Variants in DLG2 observed in about 807,000 individuals in gnomAD.
The protein encoded by DLG2 is disks large homolog 2.
In DLG2, 45 loss-of-function variants were observed where a neutral mutation model predicts 132.5. The observed-to-expected ratio is 0.34, with a 90% confidence interval of 0.27 to 0.44. The LOEUF (loss-of-function observed/expected upper bound fraction) is 0.44. DLG2 is among the 20% of genes least tolerant of loss of function. The probability of loss-of-function intolerance (pLI) is 1.00; values close to 1 mark genes in which losing one functional copy is unlikely to be tolerated. For missense variants in DLG2, 1,045 were observed against 1,196.9 expected (o/e 0.87, Z 1.87); for synonymous variants, 424 against 419.6 (o/e 1.01, Z -0.13).
At chr11:84,575,215 T>C (rs1042219997) in intron 6 of DLG2, among the ~76,000 whole-genome samples, 2 of 152,276 alleles carry the variant, frequency 1.3e-5, no homozygotes, top group East Asian at 3.9e-4. Flanking sequence ...AAGCAGTCCT[T>C]ACAAACCTCT....
chr11:85,126,877 A>G (rs1566903087), intron 5 of DLG2, among the ~76,000 whole-genome samples: 2 of 152,188 alleles, frequency 1.3e-5, no homozygotes, highest in African/African-American at 2.4e-5. Context: ...GTACCCTTTC[A>G]TGGATGAGAA....
intron 24 of DLG2, among the ~76,000 whole-genome samples, chr11:83,470,554 TTC>T (rs1355257969): frequency 1.3e-5 from 2 of 152,202 alleles, no homozygotes; most frequent in Non-Finnish European, 2.9e-5. Flanking sequence ...TCTGTTTTCT[TTC>T]TCTCAAAAGT....
At chr11:84,564,291 T>G (rs190506348) in intron 6 of DLG2, among the ~76,000 whole-genome samples, 1 of 152,088 alleles carries the variant, frequency 6.6e-6, no homozygotes, top group Admixed American at 6.5e-5. Context: ...CTGAGAAGAG[T>G]GAGCAAGAAG....
rs113991676 is a variant in DLG2 at position 83,473,923 on chromosome 11, C to T, written c.2294-1146G>A. On this transcript the variant is annotated intron_variant, in intron 22 of 27. Coordinates refer to ENST00000376104, the MANE Select transcript of DLG2 (RefSeq NM_001142699.3). ...ATTGAGCAATATGTGGGTATAGCTG[C>T]GAAGTTGGATGACTTCCTTGGAGGC... 8.2e-3 allele frequency among the ~76,000 whole-genome samples: 1,250 copies of T among 152,124 alleles called. 8 individuals are homozygous for T. The highest frequency in any genetic ancestry group is 0.014 in the Middle Eastern group (4 of 294).
chr11:85,280,637 C>T (rs2078165436), intron 4 of DLG2, among the ~76,000 whole-genome samples: 1 of 151,958 alleles, frequency 6.6e-6, no homozygotes, highest in Non-Finnish European at 1.5e-5. Context: ...GAGGAGGATG[C>T]TGTGTCCATT....
chr11:85,214,599 T>C (rs938727), intron 4 of DLG2, among the ~76,000 whole-genome samples: 123,808 of 152,064 alleles, frequency 0.81, 51,257 homozygotes, highest in Non-Finnish European at 0.9. Context: ...TACATCTCTT[T>C]TTGCAGTATA....
chr11:83,691,984 T>A (rs1255777792), intron 18 of DLG2: 1 of 152,160 alleles, frequency 6.6e-6, no homozygotes, highest in Non-Finnish European at 1.5e-5. Context: ...CATTGACTCC[T>A]CCCCGCAAAC....
chr11:83,889,299 C>T (rs769867497), intron 15 of DLG2, among the ~76,000 whole-genome samples: 1 of 151,842 alleles, frequency 6.6e-6, no homozygotes, highest in Non-Finnish European at 1.5e-5. Context: ...GGGTGAAGGA[C>T]ATGAACAGAC....
At chr11:84,219,212 C>T (rs2096880841) in intron 8 of DLG2, among the ~76,000 whole-genome samples, 1 of 152,148 alleles carries the variant, frequency 6.6e-6, no homozygotes, top group Non-Finnish European at 1.5e-5. Context: ...ACAATAATTT[C>T]CTAAATGAAC....
chr11:84,528,229 A>G (rs1002158394), intron 7 of DLG2, among the ~76,000 whole-genome samples: 32 of 152,180 alleles, frequency 2.1e-4, no homozygotes, highest in African/African-American at 7.2e-4. Context: ...GAAAGATTCT[A>G]GGTAGCATCT....
At chr11:84,601,404 A>T (rs1238577076) in intron 6 of DLG2, among the ~76,000 whole-genome samples, 1 of 152,194 alleles carries the variant, frequency 6.6e-6, no homozygotes, top group Non-Finnish European at 1.5e-5. Flanking sequence ...AAAGAAATGC[A>T]GTGCTTCCAT....
Position 83,457,852 on chromosome 11 carries a change from A to G in DLG2, c.*1966T>C, listed in dbSNP as rs745321341. 3 of 152,612 alleles carry G rather than the reference A, an allele frequency of 2.0e-5. No individual in the cohort carries two copies. The highest frequency in any genetic ancestry group is 2.9e-5 in the Non-Finnish European group (2 of 68,048). The allele number at this position is 152,612 out of a possible 1,614,324, so 9.5% of individuals were successfully genotyped here. A position where few individuals can be genotyped will look rare whatever the true frequency, so the allele number is the denominator to read the frequency against. On this transcript the variant is annotated 3_prime_UTR_variant, in exon 28 of 28. Coordinates refer to ENST00000376104, the MANE Select transcript of DLG2 (RefSeq NM_001142699.3). ...GAAATTTAACTTTCATGAGAGGGAG[A>G]ATGCATTGCTAGCCCTTCCATTGGC... is the stretch of plus-strand genomic sequence containing the variant.
chr11:84,213,494 A>T (rs1413279147), intron 8 of DLG2, among the ~76,000 whole-genome samples: 1 of 152,088 alleles, frequency 6.6e-6, no homozygotes, highest in Admixed American at 6.6e-5. Flanking sequence ...TAAAAATGTA[A>T]AATTTCCAGA....
chr11:85,050,118 TCACACACACACACACA>T (rs33991615), intron 6 of DLG2, among the ~76,000 whole-genome samples: 4 of 136,822 alleles, frequency 2.9e-5, no homozygotes, highest in African/African-American at 5.5e-5. Context: ...CACTGTGTCA[TCACACACACACACACA>T]CACACACACA....
intron 19 of DLG2, among the ~76,000 whole-genome samples, chr11:83,621,655 G>A (rs1591113588): frequency 6.6e-6 from 1 of 151,968 alleles, no homozygotes; most frequent in Non-Finnish European, 1.5e-5. Context: ...ATAAAAGCAG[G>A]CATATGCTTA....
At chr11:84,219,816 T>C (rs982872546) in intron 8 of DLG2, among the ~76,000 whole-genome samples, 12 of 152,222 alleles carry the variant, frequency 7.9e-5, no homozygotes, top group African/African-American at 2.9e-4. Flanking sequence ...TGGGCTTCAT[T>C]TGTAATCATT....
intron 18 of DLG2, among the ~76,000 whole-genome samples, chr11:83,707,552 TC>T (rs1681521318): frequency 1.3e-5 from 2 of 152,304 alleles, no homozygotes; most frequent in South Asian, 4.1e-4. Flanking sequence ...ATGCCTGTAC[TC>T]CCAGCTACTC....
intron 4 of DLG2, among the ~76,000 whole-genome samples, chr11:85,263,720 C>T (rs1016808863): frequency 1.3e-5 from 2 of 152,180 alleles, no homozygotes; most frequent in Non-Finnish European, 2.9e-5. Context: ...TGGCTGAGGA[C>T]CATCAGTTGT....
intron 6 of DLG2, among the ~76,000 whole-genome samples, chr11:84,822,539 T>C (rs1180137110): frequency 6.6e-6 from 1 of 151,918 alleles, no homozygotes; most frequent in African/African-American, 2.4e-5. Context: ...GGAATCATCT[T>C]AATCTAGACT....
Sources: allele counts gnomAD v4.1 joint callset (sites outside exome capture counted in the v4.1 genomes callset), GRCh38; gene constraint gnomAD v4.1.1; transcripts MANE v1.5; gene names NCBI Gene and HGNC (gene_info 2026-07-23, HGNC 2026-07-21).